CCDC18: variants seen among roughly 807,000 people sequenced by gnomAD.
CCDC18 encodes the protein coiled-coil domain containing 18.
CCDC18 carries 157 observed loss-of-function variants against 196.0 expected under a neutral mutation model. That is an observed-to-expected ratio of 0.80 (90% CI 0.70 to 0.91). CCDC18 has a LOEUF of 0.91. Among genes scored for constraint, CCDC18 ranks in the 40% least tolerant of loss-of-function variants. The pLI, the probability that CCDC18 is intolerant of heterozygous loss-of-function variation, is 0.00. For synonymous variants in CCDC18, 482 were observed against 529.2 expected (o/e 0.91, Z 1.22); for missense variants, 1,465 against 1,611.6 (o/e 0.91, Z 1.56).
intron 14 of CCDC18, among the ~76,000 whole-genome samples, chr1:93,220,921 G>C (rs910972138): frequency 3.9e-5 from 6 of 152,054 alleles, no homozygotes; most frequent in African/African-American, 9.7e-5. Context: ...GAGGATAATG[G>C]CTTCCAACTC....
intron 17 of CCDC18, among the ~76,000 whole-genome samples, chr1:93,226,937 A>G (rs1433943725): frequency 1.3e-5 from 2 of 152,158 alleles, no homozygotes; most frequent in Non-Finnish European, 2.9e-5. Flanking sequence ...GCAAAATAGA[A>G]TATACCTTAA....
chr1:93,205,360 G>T, intron 7 of CCDC18, 150 bp from the exon 8 acceptor site: 1 of 580,532 alleles, frequency 1.7e-6, no homozygotes, highest in Non-Finnish European at 2.8e-6. Context: ...ACTTCACTTT[G>T]CTTCTTTTCA....
At chr1:93,217,930 G>A in intron 14 of CCDC18, 61 bp downstream of exon 14, 7 of 1,365,898 alleles carry the variant, frequency 5.1e-6, no homozygotes, top group Non-Finnish European at 6.0e-6. Flanking sequence ...ACTAGCCCCA[G>A]CATTTTTTAT....
rs185921467 is a variant in CCDC18, at chr1:93,221,505, A to G, written c.1963-104A>G. ...GAAGCTGAAGACAATTTGGCAAAAT[A>G]CAAAAATCTATGTAATTTCAATTAT... On this transcript the variant is annotated intron_variant, in intron 14 of 28. Coordinates refer to ENST00000690025, the MANE Select transcript of CCDC18 (RefSeq NM_001378204.1). 3.3e-4 allele frequency: 256 copies of G among 785,950 alleles called. 1 individual carries two copies. The African/African-American group carries it at 4.2e-3, about 13-fold the overall frequency. The allele number at this position is 785,950 out of a possible 1,614,324, so 48.7% of individuals were successfully genotyped here.
At chr1:93,232,706 C>T (rs1002466176) in intron 18 of CCDC18, 113 bp downstream of exon 18, 9 of 778,712 alleles carry the variant, frequency 1.2e-5, no homozygotes, top group African/African-American at 3.6e-5. Flanking sequence ...TGCCGTGGCT[C>T]GTGCCCATAA....
At chr1:93,238,461 A>G (rs968934122) in intron 19 of CCDC18, among the ~76,000 whole-genome samples, 2 of 152,202 alleles carry the variant, frequency 1.3e-5, no homozygotes, top group Non-Finnish European at 2.9e-5. Flanking sequence ...CCAATTAAAA[A>G]ACTCTTGAAC....
rs1389225665 is a variant in CCDC18, at chr1:93,184,056, C to T, written c.213C>T (p.Ser71=). Residue 71 remains serine, a synonymous_variant, in exon 3 of 29, where the codon AGC becomes AGT. Coordinates refer to ENST00000690025, the MANE Select transcript of CCDC18 (RefSeq NM_001378204.1). ...AGCTAATTTTGGATGTTCAGCCTAG[C>T]CACCCTGGACTTTTGAATTATTCAC... ...SEKLILDVQP[S]HPGLLNYSPY... is the part of the protein sequence containing the mutation. The T allele has an allele frequency of 1.3e-6, 2 of 1,591,574 alleles. No homozygotes were observed. Among genetic ancestry groups the T allele is most frequent in the African/African-American group, 1.3e-5 (1 of 74,254 alleles).
In CCDC18 at chr1:93,207,146, A is replaced by G. The variant is rs1343129586; in HGVS notation, c.957A>G (p.Leu319=). 1.3e-6 allele frequency: 2 copies of G among 1,542,224 alleles called. No homozygotes were observed. The highest frequency in any genetic ancestry group is 1.4e-5 in the African/African-American group (1 of 72,460). Residue 319 remains leucine (L), a synonymous_variant, in exon 9 of 29, where the codon TTA becomes TTG. Transcript: ENST00000690025. ...KEENNNGKEK[L]RIMAVKNSEV... is the part of the protein sequence containing the mutation. Reference sequence around the variant, plus strand: ...AAAATAACAACGGAAAAGAAAAATTAAGGATCATGGCAGTGAAAAATTCAG... The same window carrying G: ...AAAATAACAACGGAAAAGAAAAATTGAGGATCATGGCAGTGAAAAATTCAG...
At chr1:93,237,439 C>G (rs1039056852) in intron 19 of CCDC18, among the ~76,000 whole-genome samples, 13 of 152,326 alleles carry the variant, frequency 8.5e-5, no homozygotes, top group African/African-American at 3.1e-4. Flanking sequence ...CTGTTTCTTT[C>G]TCCAACCCCA....
At chr1:93,217,146 A>G (rs930508714) in intron 13 of CCDC18, among the ~76,000 whole-genome samples, 3 of 152,126 alleles carry the variant, frequency 2.0e-5, no homozygotes, top group African/African-American at 7.2e-5. Context: ...CGTGTTAGCC[A>G]GGATGGTCTC....
At chr1:93,194,488 T>G (rs933732363) in intron 6 of CCDC18, among the ~76,000 whole-genome samples, 2 of 152,188 alleles carry the variant, frequency 1.3e-5, no homozygotes, top group South Asian at 2.1e-4. Context: ...GTTAGAAAAT[T>G]TTTAGATTTT....
intron 17 of CCDC18, among the ~76,000 whole-genome samples, chr1:93,230,174 T>C (rs1365604420): frequency 6.6e-6 from 1 of 152,046 alleles, no homozygotes; most frequent in Non-Finnish European, 1.5e-5. Context: ...GAAAATATGA[T>C]GTAAAAACAA....
At chr1:93,245,196 G>A (rs899396285) in intron 21 of CCDC18, among the ~76,000 whole-genome samples, 10 of 152,168 alleles carry the variant, frequency 6.6e-5, no homozygotes, top group Admixed American at 5.2e-4. Context: ...CATGAAAGAT[G>A]TAAACAGTGA....
At chr1:93,255,251 G>A (rs938058884) in intron 24 of CCDC18, among the ~76,000 whole-genome samples, 1 of 151,896 alleles carries the variant, frequency 6.6e-6, no homozygotes, top group East Asian at 1.9e-4. Context: ...GTGCCCGGCC[G>A]AAGAGTCAGC....
chr1:93,248,972 C>CAA (rs71586786), intron 23 of CCDC18, among the ~76,000 whole-genome samples: 107 of 95,692 alleles, frequency 1.1e-3, no homozygotes, highest in Middle Eastern at 6.4e-3. Flanking sequence ...AACCCTGTCT[C>CAA]AAAAAAAAAA....
At chr1:93,183,743 T>C (rs1459767052) in intron 2 of CCDC18, among the ~76,000 whole-genome samples, 3 of 152,040 alleles carry the variant, frequency 2.0e-5, no homozygotes, top group Non-Finnish European at 4.4e-5. Flanking sequence ...TTTACTAATT[T>C]TTTATGATTT....
At chr1:93,189,087 G>T (rs1417502990) in intron 4 of CCDC18, among the ~76,000 whole-genome samples, 1 of 151,902 alleles carries the variant, frequency 6.6e-6, no homozygotes, top group African/African-American at 2.4e-5. Context: ...TCTATTTCTT[G>T]TACCCATTAA....
chr1:93,195,527 T>C (rs1652581354), intron 6 of CCDC18, among the ~76,000 whole-genome samples: 1 of 152,200 alleles, frequency 6.6e-6, no homozygotes, highest in Admixed American at 6.5e-5. Context: ...CAATTTTTTG[T>C]ATTGGAAACT....
At chr1:93,237,704 TTA>T (rs1405061063) in intron 19 of CCDC18, among the ~76,000 whole-genome samples, 1 of 152,158 alleles carries the variant, frequency 6.6e-6, no homozygotes, top group Non-Finnish European at 1.5e-5. Context: ...GCTGATTTCT[TTA>T]GACGGCCTGA....
Sources: gnomAD v4.1 joint callset for allele counts (sites outside exome capture counted in the v4.1 genomes callset) on GRCh38, gnomAD v4.1.1 for gene constraint, MANE v1.5 for transcripts, NCBI Gene and HGNC (gene_info 2026-07-23, HGNC 2026-07-21) for gene names.